Variants in ARMCX4 observed in about 807,000 individuals in gnomAD.
ARMCX4 encodes the protein armadillo repeat-containing X-linked protein 4.
Under a neutral mutation model 34.7 loss-of-function variants are expected in ARMCX4, and 3 were observed. The ratio of observed to expected loss-of-function variants is 0.09; its 90% CI spans 0.04 to 0.22. ARMCX4 has a LOEUF of 0.22. Ranked by LOEUF, ARMCX4 falls within the 10% of genes least tolerant of loss-of-function variation. ARMCX4 has a pLI of 1.00. For synonymous variants in ARMCX4, 513 were observed against 632.8 expected (o/e 0.81, Z 2.84); for missense variants, 1,448 against 1,720.8 (o/e 0.84, Z 2.81).
downstream of ARMCX4, among the ~76,000 whole-genome samples, chrX:101,534,959 A>G (rs1556023162): frequency 1.8e-5 from 2 of 112,057 alleles, no homozygotes; most frequent in Middle Eastern, 4.6e-3. Flanking sequence ...TGGCACTTAA[A>G]GACTGCAAAA....
intron 11 of ARMCX4, among the ~76,000 whole-genome samples, chrX:101,525,402 C>T (rs983173871): frequency 4.5e-5 from 5 of 111,602 alleles, no homozygotes; most frequent in African/African-American, 6.5e-5. Flanking sequence ...AAAACCAGAG[C>T]GCCTCTTCTC....
chrX:101,517,712 C>A (rs1330792848), intron 11 of ARMCX4, among the ~76,000 whole-genome samples: 1 of 111,594 alleles, frequency 9.0e-6, no homozygotes, highest in African/African-American at 3.3e-5. Context: ...ATGGATATGA[C>A]TGAAGGTGGA....
chrX:101,483,689 G>GTT (rs113598665), upstream of ARMCX4, among the ~76,000 whole-genome samples: 3 of 103,042 alleles, frequency 2.9e-5, no homozygotes, highest in African/African-American at 1.0e-4. Context: ...AATGTTTATG[G>GTT]TTTTTTTTTT....
At chrX:101,459,639 T>C (rs1365449984) in intron 4 of ARMCX4, among the ~76,000 whole-genome samples, 1 of 111,952 alleles carries the variant, frequency 8.9e-6, no homozygotes, top group Non-Finnish European at 1.9e-5. Context: ...ACGTAAAAGG[T>C]AAAATAAGGA....
chrX:101,473,738 T>G, intron 4 of ARMCX4, among the ~76,000 whole-genome samples: 1 of 95,826 alleles, frequency 1.0e-5, no homozygotes, highest in Admixed American at 1.2e-4. Flanking sequence ...AAGGCAGAAA[T>G]AAAGATGTTC....
At chrX:101,512,588 T>C (rs1334240637) in intron 11 of ARMCX4, among the ~76,000 whole-genome samples, 3 of 109,398 alleles carry the variant, frequency 2.7e-5, no homozygotes, top group African/African-American at 1.0e-4. Flanking sequence ...GATCTTCCAA[T>C]ATTTTGTTAA....
chrX:101,443,841 A>G (rs781961296), intron 2 of ARMCX4: 1 of 358,894 alleles, frequency 2.8e-6, no homozygotes, highest in African/African-American at 2.6e-5. Flanking sequence ...CAGATGAAAA[A>G]CTAGGAACCA....
chrX:101,432,414 G>T (rs1323471219), intron 2 of ARMCX4, among the ~76,000 whole-genome samples: 2 of 111,553 alleles, frequency 1.8e-5, no homozygotes, highest in Non-Finnish European at 3.8e-5. Context: ...TGTAATCCCA[G>T]CACTTTGGGA....
intron 4 of ARMCX4, among the ~76,000 whole-genome samples, chrX:101,466,925 T>G (rs1556002096): frequency 8.9e-6 from 1 of 112,364 alleles, no homozygotes; most frequent in African/African-American, 3.2e-5. Context: ...AATTAATCTC[T>G]TTTGCTAATT....
At chrX:101,448,234 A>G (rs1015923853), downstream of ARMCX4, among the ~76,000 whole-genome samples, 1 of 111,726 alleles carries the variant, frequency 9.0e-6, no homozygotes, top group Admixed American at 9.5e-5. Flanking sequence ...TTCTTTATCC[A>G]CTCATCTGTT....
chrX:101,471,427 A>C (rs1474949786), intron 4 of ARMCX4, among the ~76,000 whole-genome samples: 4 of 112,379 alleles, frequency 3.6e-5, no homozygotes, highest in African/African-American at 1.3e-4. Flanking sequence ...TTATGCTAGA[A>C]ACCTTATGGC....
chrX:101,526,586 C>T lies in ARMCX4; in HGVS notation c.*1781-5058C>T, dbSNP rs137941316. Among the ~76,000 whole-genome samples the T allele has an allele frequency of 4.9e-3, 549 of 111,829 alleles. 1 individual carries two copies. Among genetic ancestry groups the T allele is most frequent in the African/African-American group, 0.017 (517 of 30,780 alleles). ...CCATCAGTGTGCTGTATTCAGGAAA[C>T]CCATCTCACGTGCAGAGACACACGT... is the stretch of plus-strand genomic sequence containing the variant. On this transcript the variant is annotated intron_variant and NMD_transcript_variant, in intron 11 of 12. Coordinates refer to the ARMCX4 transcript ENST00000354842.
chrX:101,437,378 G>A (rs1347066121), intron 2 of ARMCX4, among the ~76,000 whole-genome samples: 7 of 111,954 alleles, frequency 6.3e-5, no homozygotes, highest in Non-Finnish European at 1.1e-4. Context: ...TCTTGGGAGG[G>A]TGTATGTGTC....
intron 11 of ARMCX4, among the ~76,000 whole-genome samples, chrX:101,514,883 G>C (rs1556017234): frequency 9.0e-6 from 1 of 111,494 alleles, no homozygotes; most frequent in Non-Finnish European, 1.9e-5. Context: ...TTGAATTTAG[G>C]GGTTTAAATT....
rs1241569087 is a variant in ARMCX4 at position 101,489,658 on chromosome X, A to C, written c.1069A>C (p.Arg357=). ...TAAGGTGGGGGCAGGGGCAGATGTG[A>C]GAGCTTGTATACAACCTCAGACTGT... is the stretch of plus-strand genomic sequence containing the variant. ...MCKVGAGADV[R]ACIQPQTVAK... The change falls in exon 6 of 6, where the codon AGA becomes CGA. Residue 357 remains arginine (R), a synonymous_variant. Transcript: ENST00000423738. The C allele has an allele frequency of 8.7e-7, 1 of 1,152,881 alleles. No individual in the cohort carries two copies. Among genetic ancestry groups the C allele is most frequent in the Non-Finnish European group, 1.1e-6 (1 of 872,247 alleles).
chrX:101,487,985 T>C (rs782301477), intron 4 of ARMCX4, 59 bp from the exon 5 acceptor site: 2 of 652,808 alleles, frequency 3.1e-6, no homozygotes, highest in East Asian at 1.7e-4. Flanking sequence ...CATCTGTCCC[T>C]CCATCTGTCT....
At chrX:101,525,760 T>C (rs1004915331) in intron 11 of ARMCX4, among the ~76,000 whole-genome samples, 3 of 110,060 alleles carry the variant, frequency 2.7e-5, no homozygotes, top group Non-Finnish European at 5.7e-5. Flanking sequence ...TGATTGAAGA[T>C]CAAATGAATG....
intron 4 of ARMCX4, among the ~76,000 whole-genome samples, chrX:101,464,009 C>T (rs929226456): frequency 9.1e-6 from 1 of 110,279 alleles, no homozygotes; most frequent in East Asian, 2.9e-4. Context: ...CCACCTGCCT[C>T]GGCCTTCCAA....
At position 101,493,361 on chromosome X, in the gene ARMCX4, A is replaced by G; in HGVS notation, c.4772A>G (p.Asp1591Gly). 1 of 1,151,816 alleles carries G rather than the reference A, an allele frequency of 8.7e-7. No homozygotes were observed. Among genetic ancestry groups the G allele is most frequent in the Non-Finnish European group, 1.1e-6 (1 of 871,533 alleles). 94.9% of individuals were successfully genotyped at this position (1,151,816 alleles called of 1,213,427 possible). A position where few individuals can be genotyped will look rare whatever the true frequency, so the allele number is the denominator to read the frequency against. The stretch of plus-strand genomic sequence containing the variant: ...GGGGGGTTCTGGCCTGGTGCTGGGG[A>G]CCAGACTGGTGGAGGCTCCAGGCCA... Reference protein sequence around the residue: ...IGGGFWPGAGDQTGGGSRPGS... With the variant: ...IGGGFWPGAGGQTGGGSRPGS... Residue 1591 changes from aspartate to glycine, a missense_variant, in exon 6 of 6, where the codon GAC (aspartate) becomes GGC (glycine). Physicochemically the swap from Asp to Gly is moderately conservative, Grantham distance 94. Around this residue, in one of 2 missense-constraint regions of ARMCX4, gnomAD observed 1,343 missense variants for 1,540.7 expected, o/e 0.87. Coordinates refer to ENST00000423738, the MANE Select transcript of ARMCX4 (RefSeq NM_001256155.3).
Sources: gnomAD v4.1 joint callset for allele counts (sites outside exome capture counted in the v4.1 genomes callset) on GRCh38, gnomAD v4.1.1 for gene constraint, gnomAD v4.1.1 regional missense constraint, MANE v1.5 for transcripts, NCBI Gene and HGNC (gene_info 2026-07-23, HGNC 2026-07-21) for gene names.